Variants in GABRB1 observed in about 807,000 individuals in gnomAD.
GABRB1 encodes gamma-aminobutyric acid receptor subunit beta-1.
A neutral mutation model predicts 51.6 loss-of-function variants in GABRB1; 17 were observed. The observed-to-expected ratio is 0.33, with a 90% confidence interval of 0.23 to 0.49. The LOEUF is 0.49. Ranked by LOEUF, GABRB1 falls within the 20% of genes least tolerant of loss-of-function variation. The probability of loss-of-function intolerance (pLI) is 0.99; values close to 1 mark genes in which losing one functional copy is unlikely to be tolerated. For synonymous variants in GABRB1, 247 were observed against 218.9 expected (o/e 1.13, Z -1.14); for missense variants, 410 against 600.6 (o/e 0.68, Z 3.32).
In GABRB1 at chr4:47,050,999, T is replaced by G. The variant is rs549230643; in HGVS notation, c.240+18515T>G. 2.0e-4 allele frequency among the ~76,000 whole-genome samples: 31 copies of G among 152,288 alleles called. 1 individual carries two copies. In the South Asian group the frequency reaches 6.4e-3, roughly 32 times the overall value. ...GCTCGGGTTTTGTGTGTGCCCTCTC[T>G]GTTAATTTTCTTGTCTCTGTGTGTT... On this transcript the variant is annotated intron_variant, in intron 3 of 8. Coordinates refer to ENST00000295454, the MANE Select transcript of GABRB1 (RefSeq NM_000812.4).
intron 4 of GABRB1, among the ~76,000 whole-genome samples, chr4:47,246,450 C>T (rs750779725): frequency 4.3e-5 from 5 of 117,294 alleles, no homozygotes; most frequent in Non-Finnish European, 8.8e-5. Flanking sequence ...TGGGTTGGTT[C>T]CACTATTTTG....
chr4:47,036,594 G>A (rs1725578365), intron 3 of GABRB1, among the ~76,000 whole-genome samples: 1 of 152,144 alleles, frequency 6.6e-6, no homozygotes, highest in South Asian at 2.1e-4. Context: ...GGGTACAGTG[G>A]CCCCAACCAG....
chr4:47,117,305 A>G (rs890080402), intron 3 of GABRB1, among the ~76,000 whole-genome samples: 1 of 152,184 alleles, frequency 6.6e-6, no homozygotes, highest in Non-Finnish European at 1.5e-5. Context: ...TAAAATCCCT[A>G]TATAATATGC....
At chr4:47,354,976 C>CTT (rs1553877819) in intron 5 of GABRB1, among the ~76,000 whole-genome samples, 3 of 82,470 alleles carry the variant, frequency 3.6e-5, no homozygotes, top group Admixed American at 2.4e-4. Flanking sequence ...TTCTTTCTTC[C>CTT]TTTGTTTTTT....
chr4:47,124,517 A>C (rs999970867), intron 3 of GABRB1, among the ~76,000 whole-genome samples: 18 of 152,224 alleles, frequency 1.2e-4, no homozygotes, highest in African/African-American at 4.3e-4. Flanking sequence ...CTAATCCTAA[A>C]GAAACGGAAA....
At chr4:47,124,522 C>T (rs1035037795) in intron 3 of GABRB1, among the ~76,000 whole-genome samples, 1 of 152,022 alleles carries the variant, frequency 6.6e-6, no homozygotes. Context: ...CCTAAAGAAA[C>T]GGAAATCTAT....
chr4:47,298,907 C>T (rs1405018086), intron 4 of GABRB1, among the ~76,000 whole-genome samples: 1 of 151,748 alleles, frequency 6.6e-6, no homozygotes, highest in African/African-American at 2.4e-5. Context: ...ACCAATGGAA[C>T]AGAACAGAGC....
chr4:47,412,539 A>G (rs1728792208), intron 8 of GABRB1, among the ~76,000 whole-genome samples: 1 of 152,178 alleles, frequency 6.6e-6, no homozygotes, highest in Non-Finnish European at 1.5e-5. Flanking sequence ...ACTGTGCCAT[A>G]TAGCATTACA....
intron 1 of GABRB1, among the ~76,000 whole-genome samples, chr4:47,006,318 A>C (rs1432415960): frequency 1.3e-5 from 2 of 152,204 alleles, no homozygotes; most frequent in Non-Finnish European, 2.9e-5. Context: ...TTATTGTAAT[A>C]AAATAATACT....
chr4:47,211,581 C>G (rs904912696), intron 4 of GABRB1, among the ~76,000 whole-genome samples: 38 of 152,120 alleles, frequency 2.5e-4, no homozygotes, highest in African/African-American at 8.9e-4. Flanking sequence ...AGCAGAGAAC[C>G]GTTACCGCTC....
chr4:46,994,769 T>C (rs1397017792), intron 1 of GABRB1, among the ~76,000 whole-genome samples: 1 of 152,212 alleles, frequency 6.6e-6, no homozygotes, highest in Non-Finnish European at 1.5e-5. Context: ...GATGGATCAA[T>C]GAGCTAAGTA....
intron 1 of GABRB1, among the ~76,000 whole-genome samples, chr4:47,022,794 C>A (rs1724965027): frequency 6.6e-6 from 1 of 151,994 alleles, no homozygotes; most frequent in Admixed American, 6.6e-5. Flanking sequence ...AATTGAGCTA[C>A]CATATGATCC....
intron 4 of GABRB1, among the ~76,000 whole-genome samples, chr4:47,235,870 A>G (rs1339800198): frequency 6.6e-6 from 1 of 152,084 alleles, no homozygotes; most frequent in Non-Finnish European, 1.5e-5. Flanking sequence ...TCATCTCATG[A>G]CTCACAAATC....
intron 4 of GABRB1, among the ~76,000 whole-genome samples, chr4:47,230,296 G>C (rs944552042): frequency 6.6e-6 from 1 of 152,110 alleles, no homozygotes; most frequent in African/African-American, 2.4e-5. Context: ...AGGAGCCAAA[G>C]GCATCTAGGA....
chr4:47,243,641 T>C (rs1388447318), intron 4 of GABRB1, among the ~76,000 whole-genome samples: 1 of 152,200 alleles, frequency 6.6e-6, no homozygotes, highest in Non-Finnish European at 1.5e-5. Context: ...TTTATTCTCT[T>C]TGAAGCAGTT....
At chr4:47,284,763 T>C (rs116077208) in intron 4 of GABRB1, among the ~76,000 whole-genome samples, 1 of 152,236 alleles carries the variant, frequency 6.6e-6, no homozygotes, top group Admixed American at 6.5e-5. Context: ...AAGAGTGGAC[T>C]GTGCAAGCAC....
At chr4:47,254,286 C>T (rs1470063782) in intron 4 of GABRB1, among the ~76,000 whole-genome samples, 4 of 150,416 alleles carry the variant, frequency 2.7e-5, no homozygotes, top group Non-Finnish European at 4.4e-5. Context: ...AAATACTCAA[C>T]GGTTCTATAA....
chr4:47,149,354 G>A (rs755331699), intron 3 of GABRB1, among the ~76,000 whole-genome samples: 2 of 151,998 alleles, frequency 1.3e-5, no homozygotes, highest in African/African-American at 2.4e-5. Context: ...AGTTTTTAAA[G>A]TTTGTTAGGA....
intron 4 of GABRB1, among the ~76,000 whole-genome samples, chr4:47,170,138 G>T (rs1336972150): frequency 2.6e-5 from 4 of 151,974 alleles, no homozygotes; most frequent in Non-Finnish European, 4.4e-5. Context: ...ACCTGATGAG[G>T]ATTTTGATAA....
Sources: gnomAD v4.1 joint callset for allele counts (sites outside exome capture counted in the v4.1 genomes callset) on GRCh38, gnomAD v4.1.1 for gene constraint, MANE v1.5 for transcripts, NCBI Gene and HGNC (gene_info 2026-07-23, HGNC 2026-07-21) for gene names.